TMEM108: variants seen among roughly 807,000 people sequenced by gnomAD.
The protein encoded by TMEM108 is transmembrane protein 108, also known as cancer/testis antigen 124.
Under a neutral mutation model 35.1 loss-of-function variants are expected in TMEM108, and 12 were observed. The observed-to-expected ratio is 0.34, with a 90% CI of 0.22 to 0.55. The LOEUF (loss-of-function observed/expected upper bound fraction) is 0.55, where lower values mean the gene tolerates loss of function less well. Ranked by LOEUF, TMEM108 falls within the 20% of genes least tolerant of loss-of-function variation. The probability of loss-of-function intolerance (pLI) is 0.89; values close to 1 mark genes in which losing one functional copy is unlikely to be tolerated. For synonymous variants in TMEM108, 287 were observed against 308.6 expected, an observed-to-expected ratio of 0.93 and a Z score of 0.73; for missense variants, 680 against 753.3, an observed-to-expected ratio of 0.90 and a Z score of 1.14.
chr3:133,098,808 G>C (rs1046853305), intron 2 of TMEM108, among the ~76,000 whole-genome samples: 4 of 152,172 alleles, frequency 2.6e-5, no homozygotes, highest in Non-Finnish European at 4.4e-5. Context: ...CATGGTCTTG[G>C]GCAGCTCTGC....
At chr3:133,273,064 G>A (rs192297409) in intron 3 of TMEM108, among the ~76,000 whole-genome samples, 3 of 152,142 alleles carry the variant, frequency 2.0e-5, no homozygotes, top group Non-Finnish European at 4.4e-5. Context: ...TGTACATTTA[G>A]GGGTGGGTCA....
chr3:133,345,499 A>G (rs1483847585), intron 3 of TMEM108, among the ~76,000 whole-genome samples: 1 of 151,884 alleles, frequency 6.6e-6, no homozygotes, highest in African/African-American at 2.4e-5. Context: ...GCCTTCCACC[A>G]TGATTACTAG....
At chr3:133,062,763 C>T (rs1943550485) in intron 2 of TMEM108, among the ~76,000 whole-genome samples, 1 of 152,188 alleles carries the variant, frequency 6.6e-6, no homozygotes, top group South Asian at 2.1e-4. Context: ...TTGCCAATCA[C>T]CTAAGCAATG....
intron 2 of TMEM108, among the ~76,000 whole-genome samples, chr3:133,057,601 A>G (rs1267544927): frequency 6.6e-6 from 1 of 151,578 alleles, no homozygotes; most frequent in African/African-American, 2.4e-5. Context: ...TGATATTGCT[A>G]ACTGAACCTT....
chr3:133,389,970 A>G (rs1301594309), intron 4 of TMEM108, among the ~76,000 whole-genome samples: 1 of 152,196 alleles, frequency 6.6e-6, no homozygotes, highest in Non-Finnish European at 1.5e-5. Flanking sequence ...TCAGCATTCA[A>G]GACTTCTGCC....
At chr3:133,278,923 C>T (rs888841199) in intron 3 of TMEM108, among the ~76,000 whole-genome samples, 3 of 152,102 alleles carry the variant, frequency 2.0e-5, no homozygotes, top group East Asian at 1.9e-4. Context: ...GTAAATTGTC[C>T]GGAGCATTCA....
chr3:133,225,694 T>A (rs1576394862), intron 2 of TMEM108, among the ~76,000 whole-genome samples: 1 of 150,444 alleles, frequency 6.6e-6, no homozygotes, highest in South Asian at 2.1e-4. Context: ...TGGAGGGGGG[T>A]AAAAAAAAAG....
intron 2 of TMEM108, among the ~76,000 whole-genome samples, chr3:133,155,751 T>C (rs1286606853): frequency 6.6e-6 from 1 of 152,176 alleles, no homozygotes; most frequent in Non-Finnish European, 1.5e-5. Context: ...ATTAGACCTT[T>C]GTCAGATGTA....
Position 133,346,292 on chromosome 3 carries a change from C to T in TMEM108, c.41-33460C>T, listed in dbSNP as rs912776834. ...AGTTCCTGTTACTTCACTTCCTCAC[C>T]AGCATTTGGTATTATCAGTTTTGTT... On this transcript the variant is annotated intron_variant, in intron 3 of 5. Coordinates refer to ENST00000321871, the MANE Select transcript of TMEM108 (RefSeq NM_023943.4). This position sits in a 1 kb window ranked among gnomAD's most constrained non-coding sequence, Gnocchi z 4.0. 6.6e-6 allele frequency among the ~76,000 whole-genome samples: 1 copy of T among 151,866 alleles called. No individual in the cohort carries two copies. The highest frequency in any genetic ancestry group is 2.4e-5 in the African/African-American group (1 of 41,394).
In TMEM108 at chr3:133,249,286, C is replaced by T. The variant is rs138460934; in HGVS notation, c.40+19935C>T. ...AAGAAACTGAGGAAATAAATAAAGA[C>T]GGAAAACTATTAGGCTGCATCAGTG... On this transcript the variant is annotated intron_variant, in intron 3 of 5. Transcript: ENST00000321871. Among the ~76,000 whole-genome samples, 11 of 152,194 alleles carry T rather than the reference C, an allele frequency of 7.2e-5. No individual in the cohort carries two copies. The East Asian group carries it at 1.9e-3, about 27-fold the overall frequency.
chr3:133,222,288 T>G (rs1946003900), intron 2 of TMEM108, among the ~76,000 whole-genome samples: 1 of 152,170 alleles, frequency 6.6e-6, no homozygotes, highest in South Asian at 2.1e-4. Context: ...GCAGCCTTTT[T>G]GGAACTCCAT....
chr3:133,203,277 T>C (rs141124763), intron 2 of TMEM108, among the ~76,000 whole-genome samples: 2,286 of 152,192 alleles, frequency 0.015, 78 homozygotes, highest in African/African-American at 0.051. Flanking sequence ...ATTTGAATAC[T>C]CTTTTTTTCT....
chr3:133,139,917 G>C (rs1451202125), intron 2 of TMEM108, among the ~76,000 whole-genome samples: 1 of 152,164 alleles, frequency 6.6e-6, no homozygotes, highest in Non-Finnish European at 1.5e-5. Context: ...AGCCCACATA[G>C]TCTTCCTCAT....
chr3:133,322,106 T>C lies in TMEM108; in HGVS notation c.41-57646T>C, dbSNP rs568079571. On this transcript the variant is annotated intron_variant, in intron 3 of 5. Coordinates refer to ENST00000321871, the MANE Select transcript of TMEM108 (RefSeq NM_023943.4). ...AGAGCACAAAGAGACAGTCTAAGGT[T>C]ACACCTCAAGGTACTAGAGAAACAA... Among the ~76,000 whole-genome samples, 6 of 152,076 alleles carry C rather than the reference T, an allele frequency of 3.9e-5. No homozygotes were observed. In the East Asian group the frequency reaches 7.7e-4, roughly 20 times the overall value.
intron 3 of TMEM108, among the ~76,000 whole-genome samples, chr3:133,285,161 G>A (rs893803802): frequency 2.0e-5 from 3 of 152,046 alleles, no homozygotes; most frequent in African/African-American, 7.2e-5. Context: ...GTCCAATATG[G>A]TGGCTATTGA....
At chr3:133,259,477 G>A (rs948434985) in intron 3 of TMEM108, among the ~76,000 whole-genome samples, 1 of 152,216 alleles carries the variant, frequency 6.6e-6, no homozygotes, top group Non-Finnish European at 1.5e-5. Context: ...TAAGAGGTAG[G>A]TGGTGTTATC....
intron 3 of TMEM108, among the ~76,000 whole-genome samples, chr3:133,270,410 AG>A (rs559902442): frequency 7.5e-4 from 114 of 152,350 alleles, no homozygotes; most frequent in African/African-American, 2.6e-3. Context: ...AAACCTGTTT[AG>A]TATCTTTATT....
intron 2 of TMEM108, among the ~76,000 whole-genome samples, chr3:133,168,463 T>C (rs1050025991): frequency 6.6e-5 from 10 of 152,068 alleles, no homozygotes; most frequent in African/African-American, 2.2e-4. Flanking sequence ...AGGAACCTAC[T>C]GAGAGGTGAA....
At chr3:133,043,277 T>G (rs547267647) in intron 1 of TMEM108, among the ~76,000 whole-genome samples, 1 of 152,244 alleles carries the variant, frequency 6.6e-6, no homozygotes, top group South Asian at 2.1e-4. Flanking sequence ...GTCCTTAGGC[T>G]TCAAGAGACT....
Sources: allele counts gnomAD v4.1 joint callset (sites outside exome capture counted in the v4.1 genomes callset), GRCh38; gene constraint gnomAD v4.1.1; non-coding constraint Gnocchi (gnomAD v3.1); transcripts MANE v1.5; gene names NCBI Gene and HGNC (gene_info 2026-07-23, HGNC 2026-07-21).